The following DPP6 variants were observed in gnomAD, a reference collection of about 807,000 sequenced individuals.
DPP6 encodes the protein A-type potassium channel modulatory protein DPP6.
A neutral mutation model predicts 122.6 loss-of-function variants in DPP6; 69 were observed. The observed-to-expected ratio is 0.56, with a 90% CI of 0.46 to 0.69. The LOEUF (loss-of-function observed/expected upper bound fraction) is 0.69, where lower values mean the gene tolerates loss of function less well. Among genes scored for constraint, DPP6 ranks in the 30% least tolerant of loss-of-function variants. The pLI, the probability that DPP6 is intolerant of heterozygous loss-of-function variation, is 0.00. For missense variants in DPP6, 928 were observed against 1,116.9 expected (o/e 0.83, Z 2.41); for synonymous variants, 418 against 433.1 (o/e 0.97, Z 0.43).
At chr7:153,841,072 T>A in the DPP6 span, among the ~76,000 whole-genome samples, 23 of 152,324 alleles carry the variant, frequency 1.5e-4, no homozygotes, top group African/African-American at 5.3e-4. Flanking sequence ...CCCCAGCACC[T>A]GTCAGCGGCC....
intron 5 of DPP6, among the ~76,000 whole-genome samples, chr7:154,579,224 C>T (rs1398053912): frequency 1.3e-5 from 2 of 152,122 alleles, no homozygotes; most frequent in Non-Finnish European, 2.9e-5. Context: ...TGGTGGGCGC[C>T]TATAATCACA....
chr7:154,192,582 G>A (rs1398779932), intron 1 of DPP6, among the ~76,000 whole-genome samples: 1 of 152,340 alleles, frequency 6.6e-6, no homozygotes, highest in Non-Finnish European at 1.5e-5. Flanking sequence ...AAGTACTCTT[G>A]AAATATCCAA....
At chr7:154,706,945 G>C (rs1487606848) in intron 7 of DPP6, among the ~76,000 whole-genome samples, 3 of 152,172 alleles carry the variant, frequency 2.0e-5, no homozygotes, top group Non-Finnish European at 4.4e-5. Flanking sequence ...TTGATGTTTT[G>C]AAAGAAGGAA....
chr7:153,902,242 A>G (rs1249699605), intron 1 of DPP6, among the ~76,000 whole-genome samples: 1 of 152,236 alleles, frequency 6.6e-6, no homozygotes, highest in African/African-American at 2.4e-5. Context: ...CTGAAGTAAG[A>G]GGATTTGACA....
At position 154,209,160 on chromosome 7, in the gene DPP6, T is replaced by C. The variant is rs558448422; in HGVS notation, c.243+156097T>C. On this transcript the variant is annotated intron_variant, in intron 1 of 25. Transcript: ENST00000377770. ...GTAACAAAAATAGGTGAGAGATACA[T>C]GTGATCCCCGAGGAGAACTATTAGA... is the stretch of plus-strand genomic sequence containing the variant. Among the ~76,000 whole-genome samples, 19 of 152,324 alleles carry C rather than the reference T, an allele frequency of 1.2e-4. No individual in the cohort carries two copies. In the East Asian group the frequency reaches 3.1e-3, roughly 25 times the overall value.
At chr7:153,995,966 A>G (rs1797413639) in intron 1 of DPP6, among the ~76,000 whole-genome samples, 1 of 152,172 alleles carries the variant, frequency 6.6e-6, no homozygotes, top group African/African-American at 2.4e-5. Flanking sequence ...GTTGACAAAA[A>G]CGTGGCAGTT....
At chr7:154,012,456 A>G (rs181208063) in intron 1 of DPP6, among the ~76,000 whole-genome samples, 6 of 152,342 alleles carry the variant, frequency 3.9e-5, no homozygotes, top group Admixed American at 3.9e-4. Flanking sequence ...CAAAGGGAAA[A>G]CAAGATAAAT....
At chr7:154,872,523 C>G in intron 18 of DPP6, 101 bp from the exon 19 acceptor site, 1 of 1,492,606 alleles carries the variant, frequency 6.7e-7, no homozygotes, top group African/African-American at 1.4e-5. Context: ...CCCTCAGGCC[C>G]CACCCAGAGC....
intron 8 of DPP6, among the ~76,000 whole-genome samples, chr7:154,768,406 A>G (rs1038521292): frequency 2.6e-5 from 4 of 152,248 alleles, no homozygotes; most frequent in Non-Finnish European, 5.9e-5. Flanking sequence ...CTACAGGTAC[A>G]TAGAGCAGAT....
the DPP6 span, among the ~76,000 whole-genome samples, chr7:153,811,776 T>C: frequency 6.6e-6 from 1 of 152,226 alleles, no homozygotes; most frequent in Non-Finnish European, 1.5e-5. Context: ...TGAGGCCTTA[T>C]GCACCTGCTG....
At chr7:154,783,577 A>C (rs777093929) in intron 10 of DPP6, among the ~76,000 whole-genome samples, 3 of 152,164 alleles carry the variant, frequency 2.0e-5, no homozygotes, top group South Asian at 2.1e-4. Flanking sequence ...GCCTCCCATC[A>C]GTCCAACCTG....
intron 1 of DPP6, among the ~76,000 whole-genome samples, chr7:154,286,256 A>G (rs1448775679): frequency 1.3e-5 from 2 of 152,262 alleles, no homozygotes; most frequent in Middle Eastern, 3.4e-3. Context: ...AGCTTAGCCA[A>G]CAGCCCTGGG....
rs150790903 is a variant in DPP6 at position 154,036,012 on chromosome 7, G to GCA, written c.51+148279_51+148280insAC. Among the ~76,000 whole-genome samples, 44 of 115,688 alleles carry GCA rather than the reference G, an allele frequency of 3.8e-4. No individual in the cohort carries two copies. In the South Asian group the frequency reaches 5.1e-3, roughly 14 times the overall value. 75.9% of individuals were successfully genotyped at this position (115,688 alleles called of 152,430 possible). A position where few individuals can be genotyped will look rare whatever the true frequency, so the allele number is the denominator to read the frequency against. On this transcript the variant is annotated intron_variant, in intron 1 of 25. Transcript: ENST00000404039. ...GAATGATGAATGGCCAGGATTACGC[G>GCA]CGCGCGCTTGTGTGTGTGTGTGTGT...
chr7:153,871,089 C>G, the DPP6 span, among the ~76,000 whole-genome samples: 7 of 152,256 alleles, frequency 4.6e-5, no homozygotes, highest in South Asian at 1.5e-3. Context: ...TTAGGCTATT[C>G]GGGGGTCAGG....
intron 1 of DPP6, among the ~76,000 whole-genome samples, chr7:154,056,298 A>G (rs1166366537): frequency 1.3e-5 from 2 of 152,120 alleles, no homozygotes; most frequent in African/African-American, 4.8e-5. Context: ...TTACTTGGGC[A>G]ACTCCTCTGA....
At chr7:154,316,634 G>A (rs1037386114) in intron 1 of DPP6, among the ~76,000 whole-genome samples, 1 of 152,186 alleles carries the variant, frequency 6.6e-6, no homozygotes, top group Non-Finnish European at 1.5e-5. Flanking sequence ...AAGATCAGAG[G>A]AATGCAAAGT....
intron 1 of DPP6, among the ~76,000 whole-genome samples, chr7:154,351,707 A>T (rs973688766): frequency 6.6e-6 from 1 of 152,176 alleles, no homozygotes; most frequent in Non-Finnish European, 1.5e-5. Context: ...GGGAAAGTTA[A>T]GTAAGGAAGA....
Position 154,470,561 on chromosome 7 carries a change from C to T in DPP6, c.359-4378C>T, listed in dbSNP as rs575795272. Among the ~76,000 whole-genome samples the T allele has an allele frequency of 3.9e-5, 6 of 152,188 alleles. No homozygotes were observed. In the South Asian group the frequency reaches 1.0e-3, roughly 26 times the overall value. On this transcript the variant is annotated intron_variant, in intron 2 of 25. Transcript: ENST00000377770. ...ATTTAAAATATTTAGAGAAGGAGTTCCAAATGGTTCTCCAGGAATTTTACT... is the reference window on the plus strand; with the variant it reads ...ATTTAAAATATTTAGAGAAGGAGTTTCAAATGGTTCTCCAGGAATTTTACT...
intron 16 of DPP6, among the ~76,000 whole-genome samples, chr7:154,832,279 G>C (rs1175933171): frequency 1.3e-5 from 2 of 152,146 alleles, no homozygotes; most frequent in Admixed American, 6.5e-5. Flanking sequence ...GACAATGCTG[G>C]GACAGAGACA....
Sources: gnomAD v4.1 joint callset for allele counts (sites outside exome capture counted in the v4.1 genomes callset) on GRCh38, gnomAD v4.1.1 for gene constraint, MANE v1.5 for transcripts, NCBI Gene and HGNC (gene_info 2026-07-23, HGNC 2026-07-21) for gene names.